The following COL23A1 variants were observed in gnomAD, a reference collection of about 807,000 sequenced individuals.
COL23A1 encodes collagen alpha-1(XXIII) chain.
A neutral mutation model predicts 99.3 loss-of-function variants in COL23A1; 97 were observed. The observed-to-expected ratio is 0.98, with a 90% CI of 0.83 to 1.16. The LOEUF is 1.16. COL23A1 is among the 50% of genes most tolerant of loss of function. The probability of loss-of-function intolerance (pLI) is 0.00; values close to 1 mark genes in which losing one functional copy is unlikely to be tolerated. For synonymous variants in COL23A1, 320 were observed against 308.2 expected, an observed-to-expected ratio of 1.04 and a Z score of -0.40; for missense variants, 762 against 757.4, an observed-to-expected ratio of 1.01 and a Z score of -0.07.
chr5:178,292,204 C>T (rs969080875), intron 3 of COL23A1, among the ~76,000 whole-genome samples: 10 of 148,010 alleles, frequency 6.8e-5, no homozygotes, highest in African/African-American at 2.5e-4. Flanking sequence ...TCTGTTCCTG[C>T]ACCAGCACTT....
rs113457980 is a variant in COL23A1, at chr5:178,348,151, C to T, written c.362-41232G>A. ...TCCCATCCAGCTCCAGCTGCCCTGA[C>T]GCCGCCCCCCGACTGGCCTTGCCTT... On this transcript the variant is annotated intron_variant, in intron 2 of 28. Transcript: ENST00000390654. Among the ~76,000 whole-genome samples the T allele has an allele frequency of 6.7e-3, 1,021 of 152,084 alleles. 9 individuals carry two copies. Among genetic ancestry groups the T allele is most frequent in the African/African-American group, 0.024 (978 of 41,496 alleles).
chr5:178,370,813 G>C (rs1290360020), intron 2 of COL23A1, among the ~76,000 whole-genome samples: 1 of 152,220 alleles, frequency 6.6e-6, no homozygotes, highest in Non-Finnish European at 1.5e-5. Context: ...GTGGTGGTGT[G>C]CACCTGCAGT....
intron 2 of COL23A1, among the ~76,000 whole-genome samples, chr5:178,495,537 G>C (rs1055728012): frequency 6.6e-6 from 1 of 152,144 alleles, no homozygotes; most frequent in East Asian, 1.9e-4. Context: ...CTCTGAGATG[G>C]GGGAGAAGGG....
intron 2 of COL23A1, among the ~76,000 whole-genome samples, chr5:178,377,388 T>A (rs1198482464): frequency 6.6e-6 from 1 of 152,174 alleles, no homozygotes; most frequent in Non-Finnish European, 1.5e-5. Context: ...CTGGCCCTCA[T>A]CTCCAGGGGC....
At chr5:178,249,716 A>ACTCTCTCTCTCTCTCT (rs59946818) in intron 18 of COL23A1, among the ~76,000 whole-genome samples, 9 of 92,806 alleles carry the variant, frequency 9.7e-5, no homozygotes, top group South Asian at 4.2e-4. Flanking sequence ...ACACACACAC[A>ACTCTCTCTCTCTCTCT]CTCTCTCTCT....
At chr5:178,489,829 A>G (rs576464313) in intron 2 of COL23A1, among the ~76,000 whole-genome samples, 1 of 152,328 alleles carries the variant, frequency 6.6e-6, no homozygotes, top group Non-Finnish European at 1.5e-5. Flanking sequence ...CATGTTCCTA[A>G]CAGCACTATT....
At chr5:178,392,876 G>A (rs1236798190) in intron 2 of COL23A1, among the ~76,000 whole-genome samples, 1 of 152,228 alleles carries the variant, frequency 6.6e-6, no homozygotes, top group Non-Finnish European at 1.5e-5. Flanking sequence ...CTAAGAGTGT[G>A]CCAGCGCTGA....
intron 2 of COL23A1, among the ~76,000 whole-genome samples, chr5:178,421,542 C>T (rs545033170): frequency 6.6e-6 from 1 of 152,182 alleles, no homozygotes; most frequent in Non-Finnish European, 1.5e-5. Flanking sequence ...CTGCCCACTG[C>T]CATTTGTCGG....
intron 2 of COL23A1, chr5:178,523,429 A>C (rs1277756253): frequency 3.8e-4 from 1 of 2,632 alleles, no homozygotes; most frequent in African/African-American, 2.4e-3. Flanking sequence ...CTCTGTCTCA[A>C]AAAAAAAAAA....
intron 25 of COL23A1, among the ~76,000 whole-genome samples, chr5:178,245,297 TCATCATCCATCCATC>T (rs1764622312): frequency 8.0e-6 from 1 of 124,276 alleles, no homozygotes; most frequent in African/African-American, 3.1e-5. Context: ...TCCACTGCCA[TCATCATCCATCCATC>T]CATCCATCCA....
rs1387221701 is a variant in COL23A1, at chr5:178,358,036, G to A, written c.362-51117C>T. On this transcript the variant is annotated intron_variant, in intron 2 of 28. Transcript: ENST00000390654. The stretch of plus-strand genomic sequence containing the variant: ...TGTGTATGTGTGTGTATGCGTATGT[G>A]TATGTGTATGTATGTCTAATGTATG... 5.5e-5 allele frequency among the ~76,000 whole-genome samples: 8 copies of A among 144,414 alleles called. 1 individual carries two copies. The highest frequency in any genetic ancestry group is 9.1e-5 in the Non-Finnish European group (6 of 66,126). The allele number at this position is 144,414 out of a possible 152,430, so 94.7% of individuals were successfully genotyped here.
At chr5:178,339,024 T>A (rs933535276) in intron 2 of COL23A1, among the ~76,000 whole-genome samples, 1 of 152,164 alleles carries the variant, frequency 6.6e-6, no homozygotes, top group Non-Finnish European at 1.5e-5. Context: ...AGGCAGGAAT[T>A]CCCTTCCAGC....
intron 2 of COL23A1, among the ~76,000 whole-genome samples, chr5:178,501,900 A>G (rs1758556469): frequency 6.6e-6 from 1 of 151,976 alleles, no homozygotes; most frequent in Non-Finnish European, 1.5e-5. Flanking sequence ...TTCCACCTCC[A>G]CCCGCAGTGG....
intron 2 of COL23A1, among the ~76,000 whole-genome samples, chr5:178,394,262 C>T (rs1764114081): frequency 6.6e-6 from 1 of 152,190 alleles, no homozygotes; most frequent in South Asian, 2.1e-4. Context: ...TAACCCATGC[C>T]CTGATGCTCA....
Position 178,256,940 on chromosome 5 carries a change from A to C in COL23A1, c.775-12T>G. ...CTCCCTGGCTCGCCCTGAAACAGAC[A>C]CAGCTGCAGTGAGAGCAAGTGTGAG... On this transcript the variant is annotated splice_polypyrimidine_tract_variant and intron_variant, in intron 13 of 28. Transcript: ENST00000390654. 1 of 1,613,038 alleles carries C rather than the reference A, an allele frequency of 6.2e-7. No homozygotes were observed. The highest frequency in any genetic ancestry group is 8.5e-7 in the Non-Finnish European group (1 of 1,179,626).
chr5:178,332,397 G>A (rs188087837), intron 2 of COL23A1, among the ~76,000 whole-genome samples: 1 of 152,328 alleles, frequency 6.6e-6, no homozygotes, highest in African/African-American at 2.4e-5. Context: ...GCAGCTGGGA[G>A]GCAGCTTCCA....
intron 2 of COL23A1, among the ~76,000 whole-genome samples, chr5:178,364,264 A>C (rs918730999): frequency 6.6e-6 from 1 of 152,186 alleles, no homozygotes. Flanking sequence ...ACACATGGCC[A>C]GAACTGCCTG....
chr5:178,495,929 C>T (rs1016702892), intron 2 of COL23A1, among the ~76,000 whole-genome samples: 55 of 152,284 alleles, frequency 3.6e-4, no homozygotes, highest in African/African-American at 1.3e-3. Context: ...GAGAAAACTA[C>T]AGCCCAGAGA....
intron 2 of COL23A1, among the ~76,000 whole-genome samples, chr5:178,442,610 C>A (rs1460886827): frequency 5.9e-5 from 9 of 152,308 alleles, no homozygotes; most frequent in Non-Finnish European, 1.3e-4. Context: ...AGGGGCCTCA[C>A]AAATCGCTCA....
Sources: gnomAD v4.1 joint callset for allele counts (sites outside exome capture counted in the v4.1 genomes callset) on GRCh38, gnomAD v4.1.1 for gene constraint, MANE v1.5 for transcripts, NCBI Gene and HGNC (gene_info 2026-07-23, HGNC 2026-07-21) for gene names.